The following SOX6 variants were observed in gnomAD, a reference collection of about 807,000 sequenced individuals.
The protein encoded by SOX6 is SRY-box transcription factor 6, also known as transcription factor SOX-6.
In SOX6, 11 loss-of-function variants were observed where a neutral mutation model predicts 97.8. The ratio of observed to expected loss-of-function variants is 0.11; its 90% CI spans 0.07 to 0.19. The LOEUF (loss-of-function observed/expected upper bound fraction) is 0.19, where lower values mean the gene tolerates loss of function less well. Ranked by LOEUF, SOX6 falls within the 10% of genes least tolerant of loss-of-function variation. SOX6 has a pLI of 1.00. For synonymous variants in SOX6, 360 were observed against 371.4 expected (o/e 0.97, Z 0.35); for missense variants, 810 against 1,039.5 (o/e 0.78, Z 3.04).
intron 4 of SOX6, among the ~76,000 whole-genome samples, chr11:16,491,082 G>C (rs1470383413): frequency 2.6e-5 from 4 of 151,900 alleles, no homozygotes; most frequent in Admixed American, 6.6e-5. Context: ...AAATTTAAAA[G>C]AAGAAATCAA....
intron 12 of SOX6, among the ~76,000 whole-genome samples, chr11:16,025,262 T>A (rs958217901): frequency 6.6e-6 from 1 of 152,178 alleles, no homozygotes; most frequent in African/African-American, 2.4e-5. Context: ...TTTTTATTCG[T>A]GTACAGAGGC....
At chr11:16,292,945 T>A (rs954910016) in intron 3 of SOX6, among the ~76,000 whole-genome samples, 2 of 152,152 alleles carry the variant, frequency 1.3e-5, no homozygotes, top group African/African-American at 4.8e-5. Context: ...TGCACTAAAG[T>A]AAATATAATT....
At chr11:16,737,656 T>C (rs1848402976) in intron 1 of SOX6, among the ~76,000 whole-genome samples, 1 of 152,194 alleles carries the variant, frequency 6.6e-6, no homozygotes, top group Admixed American at 6.5e-5. Flanking sequence ...GTCTTCAGTA[T>C]CTGAACAATA....
chr11:16,359,831 G>A (rs76908888), upstream of SOX6, among the ~76,000 whole-genome samples: 14,044 of 152,142 alleles, frequency 0.092, 771 homozygotes, highest in Non-Finnish European at 0.13. Flanking sequence ...CATACTATGC[G>A]ACAAGCTCAT....
intron 1 of SOX6, among the ~76,000 whole-genome samples, chr11:16,380,837 AACAT>A (rs1258071120): frequency 6.6e-6 from 1 of 152,100 alleles, no homozygotes; most frequent in Admixed American, 6.6e-5. Flanking sequence ...TGATAAAAAT[AACAT>A]ACTGACACTG....
chr11:16,095,511 G>A lies in SOX6; in HGVS notation c.1101+485C>T, dbSNP rs1376232870. On this transcript the variant is annotated intron_variant, in intron 9 of 15. Transcript: ENST00000683767. The stretch of plus-strand genomic sequence containing the variant: ...GAGTACGTAGAATTAGAAATCCTGG[G>A]CAATAACCTTGACTCAACGAATATT... 4.6e-5 allele frequency among the ~76,000 whole-genome samples: 7 copies of A among 151,828 alleles called. No homozygotes were observed. In the East Asian group the frequency reaches 1.4e-3, roughly 30 times the overall value.
At chr11:15,995,988 A>G (rs2119847926) in intron 13 of SOX6, among the ~76,000 whole-genome samples, 1 of 152,322 alleles carries the variant, frequency 6.6e-6, no homozygotes, top group South Asian at 2.1e-4. Context: ...CAAGAGGAAA[A>G]GAAATAACAC....
At chr11:16,043,725 G>A (rs777228823) in intron 12 of SOX6, among the ~76,000 whole-genome samples, 7 of 152,138 alleles carry the variant, frequency 4.6e-5, no homozygotes, top group Non-Finnish European at 7.4e-5. Flanking sequence ...CTGATGTGCA[G>A]CACAGATCCC....
intron 4 of SOX6, among the ~76,000 whole-genome samples, chr11:16,500,462 G>A (rs1036978683): frequency 3.9e-5 from 6 of 152,140 alleles, no homozygotes; most frequent in African/African-American, 1.2e-4. Context: ...TCTAGCCAGG[G>A]CAATCAGGCA....
chr11:16,408,257 C>T (rs952686203), intron 1 of SOX6, among the ~76,000 whole-genome samples: 1 of 152,102 alleles, frequency 6.6e-6, no homozygotes, highest in Non-Finnish European at 1.5e-5. Flanking sequence ...AAGCAGCTTA[C>T]GTTCAACTCA....
intron 6 of SOX6, among the ~76,000 whole-genome samples, chr11:16,176,115 C>CAGAG (rs143702999): frequency 2.3e-3 from 326 of 141,316 alleles, no homozygotes; most frequent in Non-Finnish European, 2.0e-3. Flanking sequence ...ATGGATGAGA[C>CAGAG]AGAGAGAGAG....
At chr11:16,272,566 T>A (rs1854289201) in intron 3 of SOX6, among the ~76,000 whole-genome samples, 1 of 151,856 alleles carries the variant, frequency 6.6e-6, no homozygotes, top group African/African-American at 2.4e-5. Flanking sequence ...ATATGTAATT[T>A]GGTCATTATT....
intron 4 of SOX6, among the ~76,000 whole-genome samples, chr11:16,493,087 C>T: frequency 6.6e-6 from 1 of 152,178 alleles, no homozygotes; most frequent in African/African-American, 2.4e-5. Context: ...CACATCCTAT[C>T]ATCCAGAAAT....
chr11:16,060,670 C>T (rs1030841507), intron 9 of SOX6, among the ~76,000 whole-genome samples: 2 of 151,838 alleles, frequency 1.3e-5, no homozygotes, highest in African/African-American at 4.8e-5. Flanking sequence ...AATAATTTCG[C>T]AGCTCACCCT....
chr11:16,181,238 T>C (rs747965509), intron 6 of SOX6, among the ~76,000 whole-genome samples: 3 of 151,498 alleles, frequency 2.0e-5, no homozygotes, highest in Non-Finnish European at 4.4e-5. Flanking sequence ...ACTCAAGATA[T>C]AAAAAGAAAA....
chr11:16,211,170 A>G (rs1397473024), intron 4 of SOX6, among the ~76,000 whole-genome samples: 1 of 152,176 alleles, frequency 6.6e-6, no homozygotes, highest in South Asian at 2.1e-4. Flanking sequence ...AAGGGAACCA[A>G]CCATATGTAT....
chr11:15,971,321 T>A lies in SOX6; in HGVS notation c.*1488A>T, dbSNP rs928847264. On this transcript the variant is annotated 3_prime_UTR_variant, in exon 16 of 16. Transcript: ENST00000683767. ...GGGATTTTGCAATGAACTCCCTAGATGTGCCAGCTGGGACAAGGCAACTCA... is the reference window on the plus strand; with the variant it reads ...GGGATTTTGCAATGAACTCCCTAGAAGTGCCAGCTGGGACAAGGCAACTCA... 13 of 152,818 alleles carry A rather than the reference T, an allele frequency of 8.5e-5. No individual in the cohort carries two copies. Among genetic ancestry groups the A allele is most frequent in the African/African-American group, 3.1e-4 (13 of 41,594 alleles). 9.5% of individuals were successfully genotyped at this position (152,818 alleles called of 1,614,324 possible).
intron 7 of SOX6, among the ~76,000 whole-genome samples, chr11:16,111,131 C>A (rs1479854991): frequency 6.6e-6 from 1 of 152,144 alleles, no homozygotes; most frequent in African/African-American, 2.4e-5. Context: ...GCCCTGTTTA[C>A]AAGGAGGCTC....
chr11:16,200,207 T>C (rs1338332461), intron 4 of SOX6, among the ~76,000 whole-genome samples: 1 of 152,166 alleles, frequency 6.6e-6, no homozygotes, highest in African/African-American at 2.4e-5. Flanking sequence ...TGTGTCACTA[T>C]TAGTTGGTCC....
Sources: gnomAD v4.1 joint callset for allele counts (sites outside exome capture counted in the v4.1 genomes callset) on GRCh38, gnomAD v4.1.1 for gene constraint, MANE v1.5 for transcripts, NCBI Gene and HGNC (gene_info 2026-07-23, HGNC 2026-07-21) for gene names.